The following PARP8 variants were observed in gnomAD, a reference collection of about 807,000 sequenced individuals.
PARP8 encodes the protein poly(ADP-ribose) polymerase family member 8, also known as protein mono-ADP-ribosyltransferase PARP8.
In PARP8, 51 loss-of-function variants were observed where a neutral mutation model predicts 124.1. That is an observed-to-expected ratio of 0.41 (90% CI 0.33 to 0.52). The LOEUF (loss-of-function observed/expected upper bound fraction) is 0.52. PARP8 is among the 20% of genes least tolerant of loss of function. The probability of loss-of-function intolerance (pLI) is 0.21; values close to 1 mark genes in which losing one functional copy is unlikely to be tolerated. For synonymous variants in PARP8, 391 were observed against 361.5 expected, an observed-to-expected ratio of 1.08 and a Z score of -0.93; for missense variants, 860 against 1,018.9, an observed-to-expected ratio of 0.84 and a Z score of 2.12.
intron 2 of PARP8, among the ~76,000 whole-genome samples, chr5:50,677,241 A>G (rs1292706298): frequency 1.3e-5 from 2 of 151,912 alleles, no homozygotes; most frequent in African/African-American, 4.8e-5. Context: ...GCTGAATGCT[A>G]AAATCTGCTC....
intron 7 of PARP8, among the ~76,000 whole-genome samples, chr5:50,777,216 GTGTTTTGTGAGTAC>G (rs1740135084): frequency 1.3e-5 from 2 of 152,248 alleles, no homozygotes; most frequent in East Asian, 3.9e-4. Flanking sequence ...AGTACCTTAG[GTGTTTTGTGAGTAC>G]TGTATTAAAT....
intron 7 of PARP8, among the ~76,000 whole-genome samples, chr5:50,770,809 T>C (rs1761546585): frequency 6.6e-6 from 1 of 152,220 alleles, no homozygotes; most frequent in African/African-American, 2.4e-5. Context: ...TTACTCTCTT[T>C]ACCTTCACAG....
chr5:50,704,580 G>A (rs1242756526), intron 2 of PARP8, among the ~76,000 whole-genome samples: 3 of 152,116 alleles, frequency 2.0e-5, no homozygotes, highest in African/African-American at 7.2e-5. Flanking sequence ...CTTAAAATGT[G>A]ACTGGATTGA....
At chr5:50,708,682 T>C (rs932503685) in intron 2 of PARP8, among the ~76,000 whole-genome samples, 4 of 148,808 alleles carry the variant, frequency 2.7e-5, no homozygotes, top group Non-Finnish European at 4.4e-5. Flanking sequence ...CACATTGATA[T>C]GGCTTGATGT....
Position 50,668,144 on chromosome 5 carries a change from T to A in PARP8, c.146+19T>A. Reference sequence around the variant, plus strand: ...CCAGAAGGTATTTATGTGTATAGAGTTGCTTCATTTCCTGTTCACACTCTT... The same window carrying A: ...CCAGAAGGTATTTATGTGTATAGAGATGCTTCATTTCCTGTTCACACTCTT... On this transcript the variant is annotated intron_variant, in intron 2 of 25. Transcript: ENST00000281631. 1 of 1,573,100 alleles carries A rather than the reference T, an allele frequency of 6.4e-7. No homozygotes were observed. Among genetic ancestry groups the A allele is most frequent in the South Asian group, 1.1e-5 (1 of 90,182 alleles).
At chr5:50,818,860 A>T (rs567461551) in intron 15 of PARP8, among the ~76,000 whole-genome samples, 127 of 152,336 alleles carry the variant, frequency 8.3e-4, no homozygotes, top group Non-Finnish European at 1.6e-3. Context: ...TTTGTCATTC[A>T]CACACTCCAA....
chr5:50,812,968 C>T (rs1200841643), intron 14 of PARP8, among the ~76,000 whole-genome samples: 3 of 152,100 alleles, frequency 2.0e-5, no homozygotes, highest in Admixed American at 2.0e-4. Flanking sequence ...TGTTTTGGTA[C>T]CAGTACCATG....
chr5:50,724,270 T>C (rs1238025639), intron 2 of PARP8, among the ~76,000 whole-genome samples: 1 of 152,178 alleles, frequency 6.6e-6, no homozygotes, highest in Non-Finnish European at 1.5e-5. Flanking sequence ...ATTATATATG[T>C]GAAAATTGAT....
intron 2 of PARP8, among the ~76,000 whole-genome samples, chr5:50,682,936 C>T (rs1312707101): frequency 4.8e-5 from 2 of 41,410 alleles, no homozygotes; most frequent in East Asian, 4.8e-3. Context: ...AGCGTGAGTA[C>T]ATTTGGGGAG....
intron 3 of PARP8, among the ~76,000 whole-genome samples, chr5:50,755,256 A>G (rs1265985601): frequency 6.6e-6 from 1 of 152,120 alleles, no homozygotes; most frequent in Non-Finnish European, 1.5e-5. Context: ...GTCCTTGCCC[A>G]TGTCTATGTC....
intron 5 of PARP8, among the ~76,000 whole-genome samples, chr5:50,761,521 T>C (rs1436253630): frequency 1.3e-5 from 2 of 152,074 alleles, no homozygotes; most frequent in African/African-American, 2.4e-5. Context: ...AAATGTTTTA[T>C]CAGAGCAAAA....
intron 2 of PARP8, among the ~76,000 whole-genome samples, chr5:50,686,919 G>T (rs1751930825): frequency 6.6e-6 from 1 of 152,152 alleles, no homozygotes; most frequent in South Asian, 2.1e-4. Flanking sequence ...AGGCTTCTGG[G>T]CCTGTGATGG....
At chr5:50,692,186 C>T (rs12656298) in intron 2 of PARP8, among the ~76,000 whole-genome samples, 8,255 of 152,144 alleles carry the variant, frequency 0.054, 306 homozygotes, top group South Asian at 0.18. Context: ...TTCTATTGAC[C>T]GCAGAGTGAA....
chr5:50,667,557 A>AGCG (rs1561216494), intron 1 of PARP8: 1 of 697,464 alleles, frequency 1.4e-6, no homozygotes, highest in African/African-American at 1.8e-5. Context: ...CAATGGGCTG[A>AGCG]GCGGCGGCGG....
chr5:50,689,494 A>G (rs1257847759), intron 2 of PARP8, among the ~76,000 whole-genome samples: 1 of 152,060 alleles, frequency 6.6e-6, no homozygotes, highest in East Asian at 1.9e-4. Context: ...TTTAATCTCC[A>G]TTTCAGGGAA....
intron 16 of PARP8, among the ~76,000 whole-genome samples, 160 bp downstream of exon 16, chr5:50,821,498 G>T (rs1286612220): frequency 6.6e-6 from 1 of 152,042 alleles, no homozygotes; most frequent in Non-Finnish European, 1.5e-5. Flanking sequence ...TGGGGATTCC[G>T]ACTTACATAA....
In PARP8 at chr5:50,750,148, C is replaced by T; in HGVS notation, c.147-3C>T. On this transcript the variant is annotated splice_polypyrimidine_tract_variant and splice_region_variant and intron_variant, in intron 2 of 25. Coordinates refer to ENST00000281631, the MANE Select transcript of PARP8 (RefSeq NM_024615.4). ...AGCCTTTTTTGTTTGTTTGTTTTAA[C>T]AGTGTATCCTACTCAGTACATGTAT... 2 of 1,576,866 alleles carry T rather than the reference C, an allele frequency of 1.3e-6. No homozygotes were observed. Among genetic ancestry groups the T allele is most frequent in the African/African-American group, 1.4e-5 (1 of 73,686 alleles).
intron 2 of PARP8, chr5:50,738,920 A>G (rs1409802863): frequency 1.4e-6 from 1 of 696,860 alleles, no homozygotes; most frequent in African/African-American, 1.8e-5. Flanking sequence ...GGCTTAGTTT[A>G]CATCAGGGCT....
At chr5:50,730,876 A>G (rs370949837) in intron 2 of PARP8, among the ~76,000 whole-genome samples, 5 of 152,222 alleles carry the variant, frequency 3.3e-5, no homozygotes, top group African/African-American at 1.2e-4. Context: ...AGGCATATTA[A>G]TCAGAAGACA....
Sources: gnomAD v4.1 joint callset for allele counts (sites outside exome capture counted in the v4.1 genomes callset) on GRCh38, gnomAD v4.1.1 for gene constraint, MANE v1.5 for transcripts, NCBI Gene and HGNC (gene_info 2026-07-23, HGNC 2026-07-21) for gene names.